The following WDR19 variants were observed in gnomAD, a reference collection of about 807,000 sequenced individuals.
The protein encoded by WDR19 is WD repeat domain 19.
A neutral mutation model predicts 180.0 loss-of-function variants in WDR19; 121 were observed. The ratio of observed to expected loss-of-function variants is 0.67; its 90% CI spans 0.58 to 0.78. The LOEUF is 0.78. Ranked by LOEUF, WDR19 falls within the 30% of genes least tolerant of loss-of-function variation. WDR19 has a pLI of 0.00. For synonymous variants in WDR19, 497 were observed against 540.7 expected, an observed-to-expected ratio of 0.92 and a Z score of 1.12; for missense variants, 1,450 against 1,640.7, an observed-to-expected ratio of 0.88 and a Z score of 2.01.
At chr4:39,218,178 T>C (rs1423646570) in intron 14 of WDR19, 73 bp downstream of exon 14, 27 of 1,513,456 alleles carry the variant, frequency 1.8e-5, no homozygotes, top group Admixed American at 6.1e-5. Context: ...GTCATTCTCT[T>C]TTCCTACCAG....
At chr4:39,232,369 A>G (rs1040147755) in intron 19 of WDR19, 97 bp downstream of exon 19, 13 of 995,888 alleles carry the variant, frequency 1.3e-5, no homozygotes, top group Non-Finnish European at 1.9e-5. Flanking sequence ...TCACGCCTCT[A>G]ATTCCAGCAC....
intron 9 of WDR19, among the ~76,000 whole-genome samples, chr4:39,209,320 G>T (rs146975326): frequency 6.6e-6 from 1 of 151,980 alleles, no homozygotes; most frequent in East Asian, 1.9e-4. Context: ...ATCAAAATAC[G>T]TGGGAGGCAG....
chr4:39,255,126 T>C (rs1313945705), intron 26 of WDR19, among the ~76,000 whole-genome samples: 1 of 152,204 alleles, frequency 6.6e-6, no homozygotes, highest in Non-Finnish European at 1.5e-5. Flanking sequence ...AATGTTTAAC[T>C]TGACAGATGA....
At chr4:39,260,246 A>C (rs1300559340) in intron 28 of WDR19, among the ~76,000 whole-genome samples, 1 of 152,260 alleles carries the variant, frequency 6.6e-6, no homozygotes, top group Middle Eastern at 3.4e-3. Context: ...ACTTGATCAG[A>C]TATGGATGAT....
chr4:39,264,814 T>G (rs1734623442), intron 28 of WDR19, among the ~76,000 whole-genome samples: 1 of 152,316 alleles, frequency 6.6e-6, no homozygotes. Context: ...TCACACATTC[T>G]GTTCCTATTA....
chr4:39,215,112 A>G (rs1728932272), intron 10 of WDR19, among the ~76,000 whole-genome samples: 1 of 152,150 alleles, frequency 6.6e-6, no homozygotes, highest in Non-Finnish European at 1.5e-5. Flanking sequence ...GTTCCCTAAA[A>G]TAGTCTCCTT....
intron 9 of WDR19, among the ~76,000 whole-genome samples, chr4:39,209,381 G>C (rs1728267289): frequency 6.6e-6 from 1 of 151,990 alleles, no homozygotes; most frequent in Non-Finnish European, 1.5e-5. Flanking sequence ...ACATTAGGGG[G>C]AAAAAGGGCC....
chr4:39,247,064 G>C (rs1732603118), intron 24 of WDR19, among the ~76,000 whole-genome samples: 1 of 152,232 alleles, frequency 6.6e-6, no homozygotes, highest in South Asian at 2.1e-4. Context: ...CCTCAAGTGG[G>C]TCCCTGACCC....
At chr4:39,241,037 C>T (rs1391332408) in intron 21 of WDR19, among the ~76,000 whole-genome samples, 1 of 151,866 alleles carries the variant, frequency 6.6e-6, no homozygotes, top group Non-Finnish European at 1.5e-5. Flanking sequence ...GTTTCTTTCT[C>T]ATACTGTATC....
At chr4:39,185,054 G>T (rs1026241558) in intron 1 of WDR19, among the ~76,000 whole-genome samples, 1 of 152,086 alleles carries the variant, frequency 6.6e-6, no homozygotes, top group Non-Finnish European at 1.5e-5. Flanking sequence ...TCCAGTTGTT[G>T]AAATCTGATA....
At chr4:39,281,467 A>G (rs6830736) in intron 36 of WDR19, among the ~76,000 whole-genome samples, 76,258 of 151,266 alleles carry the variant, frequency 0.5, 20,603 homozygotes, top group African/African-American at 0.71. Context: ...ATACTACACT[A>G]TCTTCATTAC....
At chr4:39,197,076 T>A (rs1427326241) in intron 5 of WDR19, among the ~76,000 whole-genome samples, 1 of 152,154 alleles carries the variant, frequency 6.6e-6, no homozygotes, top group East Asian at 1.9e-4. Context: ...ATTCAATTGA[T>A]CCTCAACCCT....
rs376128122 is a variant in WDR19 at position 39,279,844 on chromosome 4, A to C, written c.*13+1181A>C. ...AGGCTCCCTGAGTAGCTAGGACTAC[A>C]GGCGTGTGCCACCACGCTCGGCTAA... On this transcript the variant is annotated intron_variant, in intron 36 of 36. Transcript: ENST00000399820. Among the ~76,000 whole-genome samples, 27 of 152,000 alleles carry C rather than the reference A, an allele frequency of 1.8e-4. No individual in the cohort carries two copies. The East Asian group carries it at 5.0e-3, about 28-fold the overall frequency.
chr4:39,186,696 T>A, intron 3 of WDR19, 92 bp downstream of exon 3: 1 of 838,800 alleles, frequency 1.2e-6, no homozygotes, highest in Non-Finnish European at 1.8e-6. Flanking sequence ...TCAGATGGAA[T>A]CTTTTGCTTC....
chr4:39,253,188 G>T lies in WDR19; in HGVS notation c.2772G>T (p.Trp924Cys). The change falls in exon 25 of 37, where the codon TGG becomes TGT. Residue 924 changes from tryptophan (W) to cysteine (C), a missense_variant. Transcript: ENST00000399820. ...TAGCTTATGAAAATGCAAAACAGTG[G>T]CAAAGTGTAATCCGCATCTATCTGG... is the stretch of plus-strand genomic sequence containing the variant. Reference protein sequence around the residue: ...AVVAYENAKQWQSVIRIYLDH... With the variant: ...AVVAYENAKQCQSVIRIYLDH... The T allele has an allele frequency of 6.2e-7, 1 of 1,611,610 alleles. No individual in the cohort carries two copies. Among genetic ancestry groups the T allele is most frequent in the Non-Finnish European group, 8.5e-7 (1 of 1,179,206 alleles).
intron 28 of WDR19, among the ~76,000 whole-genome samples, chr4:39,265,366 A>G (rs960712736): frequency 2.7e-4 from 41 of 152,064 alleles, no homozygotes; most frequent in Admixed American, 1.4e-3. Context: ...GCGCAAGTAC[A>G]TTTCCTCAGG....
At chr4:39,245,331 A>G (rs1322531364) in intron 23 of WDR19, 38 bp from the exon 24 acceptor site, 2 of 1,546,680 alleles carry the variant, frequency 1.3e-6, no homozygotes, top group African/African-American at 2.7e-5. Context: ...TGGAGTGAAC[A>G]CAGTACTCAT....
chr4:39,279,570 C>A lies in WDR19; in HGVS notation c.*13+907C>A, dbSNP rs576673238. Among the ~76,000 whole-genome samples, 10 of 152,334 alleles carry A rather than the reference C, an allele frequency of 6.6e-5. No homozygotes were observed. The South Asian group carries it at 1.2e-3, about 19-fold the overall frequency. ...ACTCACCATGTTGCAGCCCCACTGG[C>A]CTTCTTGCCCTTCCCTGGCCACTCC... On this transcript the variant is annotated intron_variant, in intron 36 of 36. Transcript: ENST00000399820.
chr4:39,216,265 T>C, intron 12 of WDR19, 55 bp downstream of exon 12: 1 of 1,419,534 alleles, frequency 7.0e-7, no homozygotes, highest in Non-Finnish European at 9.4e-7. Flanking sequence ...CTGTTCTTAT[T>C]TGGGAAGCAC....
Sources: gnomAD v4.1 joint callset for allele counts (sites outside exome capture counted in the v4.1 genomes callset) on GRCh38, gnomAD v4.1.1 for gene constraint, MANE v1.5 for transcripts, NCBI Gene and HGNC (gene_info 2026-07-23, HGNC 2026-07-21) for gene names.